Variants in AP1G1 observed in about 807,000 individuals in gnomAD.
AP1G1 encodes the protein AP-1 complex subunit gamma-1.
In AP1G1, 7 loss-of-function variants were observed where a neutral mutation model predicts 108.3. That is an observed-to-expected ratio of 0.06 (90% CI 0.04 to 0.12). The LOEUF is 0.12. Ranked by LOEUF, AP1G1 falls within the 10% of genes least tolerant of loss-of-function variation. AP1G1 has a pLI of 1.00. For missense variants in AP1G1, 756 were observed against 1,010.7 expected, an observed-to-expected ratio of 0.75 and a Z score of 3.42; for synonymous variants, 379 against 353.5, an observed-to-expected ratio of 1.07 and a Z score of -0.81.
intron 21 of AP1G1, among the ~76,000 whole-genome samples, chr16:71,737,398 C>T (rs2045563490): frequency 6.6e-6 from 1 of 152,178 alleles, no homozygotes; most frequent in Admixed American, 6.6e-5. Context: ...AGTCTCCCAC[C>T]TCAGCCTCCT....
At chr16:71,736,578 A>AT (rs2045547784) in intron 21 of AP1G1, among the ~76,000 whole-genome samples, 1 of 133,762 alleles carries the variant, frequency 7.5e-6, no homozygotes, top group Admixed American at 8.0e-5. Context: ...TTATTTATTT[A>AT]TTTATTTATT....
At chr16:71,773,973 T>C (rs1213329365) in intron 3 of AP1G1, among the ~76,000 whole-genome samples, 45 of 149,218 alleles carry the variant, frequency 3.0e-4, no homozygotes, top group African/African-American at 2.4e-5. Flanking sequence ...TTTCACCACA[T>C]TGGCCAGGCT....
At position 71,768,189 on chromosome 16, in the gene AP1G1, GT is replaced by G. The variant is rs759793206; in HGVS notation, c.642+1433del. Among the ~76,000 whole-genome samples the G allele has an allele frequency of 6.1e-3, 369 of 60,384 alleles. 1 individual carries two copies. Among genetic ancestry groups the G allele is most frequent in the African/African-American group, 0.01 (140 of 13,692 alleles). The allele number at this position is 60,384 out of a possible 152,430, so 39.6% of individuals were successfully genotyped here. A position where few individuals can be genotyped will look rare whatever the true frequency, so the allele number is the denominator to read the frequency against. On this transcript the variant is annotated intron_variant, in intron 6 of 22. Transcript: ENST00000299980. ...CAGAAATGTCCAGTTTAAAATACTA[GT>G]TTAAAAAAAAAAAAAAAAAAAAAAA...
intron 11 of AP1G1, among the ~76,000 whole-genome samples, chr16:71,757,050 A>T (rs1182553197): frequency 6.6e-6 from 1 of 152,232 alleles, no homozygotes; most frequent in Non-Finnish European, 1.5e-5. Flanking sequence ...TTGGCAATGA[A>T]GTTAAAAATA....
intron 19 of AP1G1, among the ~76,000 whole-genome samples, chr16:71,740,714 A>C (rs905547812): frequency 1.3e-5 from 2 of 152,364 alleles, no homozygotes; most frequent in Admixed American, 1.3e-4. Flanking sequence ...TGGCAAAATA[A>C]TACTACATAC....
chr16:71,807,302 T>A (rs1345085687), intron 1 of AP1G1, among the ~76,000 whole-genome samples: 1 of 152,138 alleles, frequency 6.6e-6, no homozygotes, highest in Non-Finnish European at 1.5e-5. Context: ...CGTGGCGGCG[T>A]GTGCCTGTAG....
At chr16:71,789,182 G>A in intron 2 of AP1G1, 97 bp downstream of exon 2, 1 of 1,109,560 alleles carries the variant, frequency 9.0e-7, no homozygotes, top group Non-Finnish European at 1.3e-6. Flanking sequence ...AGACTACAAG[G>A]CTATCAAAAG....
At chr16:71,759,473 A>ATTAATTAAATTAAATTAAATAT (rs2030970607) in intron 10 of AP1G1, among the ~76,000 whole-genome samples, 1 of 150,150 alleles carries the variant, frequency 6.7e-6, no homozygotes, top group Non-Finnish European at 1.5e-5. Context: ...AAAAAAATAA[A>ATTAATTAAATTAAATTAAATAT]ATTGGGACTG....
intron 3 of AP1G1, among the ~76,000 whole-genome samples, 159 bp from the exon 4 acceptor site, chr16:71,773,521 A>T (rs1567654695): frequency 6.6e-6 from 1 of 152,226 alleles, no homozygotes; most frequent in Non-Finnish European, 1.5e-5. Flanking sequence ...ATTACAAATT[A>T]TCAATATAGT....
rs112280136 is a variant in AP1G1, at chr16:71,738,757, C to T, written c.2268+185G>A. Among the ~76,000 whole-genome samples the T allele has an allele frequency of 3.6e-3, 547 of 152,196 alleles. 8 individuals carry two copies. Among genetic ancestry groups the T allele is most frequent in the African/African-American group, 0.013 (523 of 41,524 alleles). ...TGCTAACCATCAGAATACTTGTAACCTAGTAAAAATTATTCACTAAAAATG... is the reference window on the plus strand; with the variant it reads ...TGCTAACCATCAGAATACTTGTAACTTAGTAAAAATTATTCACTAAAAATG... On this transcript the variant is annotated intron_variant, in intron 21 of 22. Transcript: ENST00000299980.
Position 71,793,670 on chromosome 16 carries a change from A to G in AP1G1, c.-3-4188T>C, listed in dbSNP as rs962711307. On this transcript the variant is annotated intron_variant, in intron 1 of 22. Transcript: ENST00000299980. ...AATAAATTATAAACAGTACCACAAT[A>G]TAGTTTTTGTTGTTGTTTTTTGCTT... Among the ~76,000 whole-genome samples, 4 of 152,188 alleles carry G rather than the reference A, an allele frequency of 2.6e-5. No homozygotes were observed. The East Asian group carries it at 5.8e-4, about 22-fold the overall frequency.
At chr16:71,807,670 A>AT (rs1050645281) in intron 1 of AP1G1, 15 of 543,506 alleles carry the variant, frequency 2.8e-5, no homozygotes, top group Admixed American at 1.0e-4. Flanking sequence ...CATTACAAGT[A>AT]TTTTTTAGAA....
At chr16:71,757,164 T>C (rs2030836582) in intron 11 of AP1G1, among the ~76,000 whole-genome samples, 1 of 152,088 alleles carries the variant, frequency 6.6e-6, no homozygotes. Flanking sequence ...AAAGTAACAA[T>C]TTAGGCTGGG....
chr16:71,760,418 G>A (rs568087283), intron 10 of AP1G1, among the ~76,000 whole-genome samples: 19 of 151,828 alleles, frequency 1.3e-4, no homozygotes, highest in Admixed American at 3.9e-4. Context: ...GGTGGCGTTC[G>A]CCTGTAAACC....
At chr16:71,751,094 G>T (rs913080243) in intron 13 of AP1G1, among the ~76,000 whole-genome samples, 4 of 150,034 alleles carry the variant, frequency 2.7e-5, no homozygotes, top group African/African-American at 9.8e-5. Context: ...GGCCGAGCTT[G>T]CAGTGAGCCG....
intron 1 of AP1G1, among the ~76,000 whole-genome samples, chr16:71,795,170 C>T (rs1200184966): frequency 6.6e-6 from 1 of 152,090 alleles, no homozygotes; most frequent in African/African-American, 2.4e-5. Flanking sequence ...CCACTGTGCA[C>T]TTTCAGCTAC....
intron 9 of AP1G1, among the ~76,000 whole-genome samples, chr16:71,762,366 G>A (rs551542528): frequency 6.6e-6 from 1 of 152,200 alleles, no homozygotes; most frequent in Non-Finnish European, 1.5e-5. Flanking sequence ...TAAATCCCTT[G>A]GAATTTCCTG....
chr16:71,775,466 A>T (rs947157423), intron 2 of AP1G1, among the ~76,000 whole-genome samples: 2 of 152,216 alleles, frequency 1.3e-5, no homozygotes, highest in Non-Finnish European at 2.9e-5. Context: ...GTTTTGCATT[A>T]GTTTTGCAGA....
chr16:71,733,842 T>C (rs899213837), intron 22 of AP1G1, among the ~76,000 whole-genome samples: 6 of 152,302 alleles, frequency 3.9e-5, no homozygotes, highest in African/African-American at 1.4e-4. Context: ...AAGCATAAAA[T>C]TTTAAAAAAT....
Sources: gnomAD v4.1 joint callset for allele counts (sites outside exome capture counted in the v4.1 genomes callset) on GRCh38, gnomAD v4.1.1 for gene constraint, MANE v1.5 for transcripts, NCBI Gene and HGNC (gene_info 2026-07-23, HGNC 2026-07-21) for gene names.